Variants in CAMTA1 observed in about 807,000 individuals in gnomAD.
CAMTA1 encodes the protein calmodulin binding transcription activator 1, also known as calmodulin-binding transcription activator 1.
CAMTA1 carries 27 observed loss-of-function variants against 170.9 expected under a neutral mutation model. The observed-to-expected ratio is 0.16, with a 90% confidence interval of 0.12 to 0.22. The LOEUF is 0.22. Ranked by LOEUF, CAMTA1 falls within the 10% of genes least tolerant of loss-of-function variation. The pLI is 1.00. For missense variants in CAMTA1, 1,619 were observed against 2,217.2 expected (o/e 0.73, Z 5.42); for synonymous variants, 833 against 891.5 (o/e 0.93, Z 1.17).
At chr1:7,507,017 TCA>T (rs1283324249) in intron 6 of CAMTA1, among the ~76,000 whole-genome samples, 1 of 149,392 alleles carries the variant, frequency 6.7e-6, no homozygotes, top group Non-Finnish European at 1.5e-5. Context: ...CATCTCATGC[TCA>T]CACTCAAAAC....
chr1:7,514,332 A>G (rs1217061305), intron 6 of CAMTA1, among the ~76,000 whole-genome samples: 1 of 152,258 alleles, frequency 6.6e-6, no homozygotes, highest in Admixed American at 6.5e-5. Flanking sequence ...GCAGACAGGC[A>G]GTGCCTGGGC....
intron 6 of CAMTA1, among the ~76,000 whole-genome samples, chr1:7,622,178 G>C (rs184635388): frequency 1.4e-4 from 21 of 152,224 alleles, no homozygotes; most frequent in African/African-American, 4.8e-4. Flanking sequence ...CTGGGAACTT[G>C]TTGGGTGCCC....
In CAMTA1 at chr1:6,971,468, G is replaced by C. The variant is rs150213210; in HGVS notation, c.235-119836G>C. 6.6e-6 allele frequency among the ~76,000 whole-genome samples: 1 copy of C among 152,120 alleles called. No individual in the cohort carries two copies. Among genetic ancestry groups the C allele is most frequent in the Non-Finnish European group, 1.5e-5 (1 of 68,030 alleles). On this transcript the variant is annotated intron_variant, in intron 3 of 22. Coordinates refer to ENST00000303635, the MANE Select transcript of CAMTA1 (RefSeq NM_015215.4). This position sits in a 1 kb window ranked among gnomAD's most constrained non-coding sequence, Gnocchi z 4.6. ...TGCAAGCCCCTCAGTGGGGGAGTCC[G>C]GTTTGATTTGGTTTTGTTTTTACCA...
chr1:7,119,609 G>A (rs1644529147), intron 4 of CAMTA1, among the ~76,000 whole-genome samples: 1 of 152,186 alleles, frequency 6.6e-6, no homozygotes, highest in African/African-American at 2.4e-5. Flanking sequence ...TCTCTTCTGG[G>A]CTAATTGGTG....
chr1:7,045,863 T>A (rs1243400898), intron 3 of CAMTA1, among the ~76,000 whole-genome samples: 1 of 152,220 alleles, frequency 6.6e-6, no homozygotes, highest in Non-Finnish European at 1.5e-5. Flanking sequence ...TGCAGAGGCC[T>A]CGAATGTGCC....
intron 4 of CAMTA1, among the ~76,000 whole-genome samples, chr1:7,117,269 CCTAT>C (rs1644390259): frequency 6.6e-6 from 1 of 152,158 alleles, no homozygotes; most frequent in East Asian, 1.9e-4. Flanking sequence ...CCACACCTGG[CCTAT>C]CTTTCTTTTT....
At chr1:7,605,148 C>T (rs139905577) in intron 6 of CAMTA1, among the ~76,000 whole-genome samples, 2,040 of 152,322 alleles carry the variant, frequency 0.013, 45 homozygotes, top group African/African-American at 0.045. Flanking sequence ...CACTTGAGGA[C>T]GCAGTCTGTC....
In CAMTA1 at chr1:7,665,238, C is replaced by T. The variant is rs749829625; in HGVS notation, c.2652+39C>T. The T allele has an allele frequency of 3.0e-5, 43 of 1,420,550 alleles. No individual in the cohort carries two copies. The highest frequency in any genetic ancestry group is 3.8e-5 in the Non-Finnish European group (41 of 1,089,506). The allele number at this position is 1,420,550 out of a possible 1,614,324, so 88.0% of individuals were successfully genotyped here. ...GCTGCCACCACCTGTCACCTCCCCT[C>T]CCACCCACCTCGCCAGCCCCTGCGC... is the stretch of plus-strand genomic sequence containing the variant. On this transcript the variant is annotated intron_variant, in intron 9 of 22. Coordinates refer to ENST00000303635, the MANE Select transcript of CAMTA1 (RefSeq NM_015215.4). The surrounding 1 kb of genome is among the most constrained non-coding windows in gnomAD (Gnocchi z 4.3).
chr1:7,492,956 CTT>C (rs2093745392), intron 6 of CAMTA1, among the ~76,000 whole-genome samples: 2 of 144,722 alleles, frequency 1.4e-5, no homozygotes, highest in African/African-American at 5.2e-5. Context: ...TAAACACAGA[CTT>C]ACATACACAT....
chr1:7,304,095 A>C (rs1255755717), intron 5 of CAMTA1, among the ~76,000 whole-genome samples: 8 of 152,112 alleles, frequency 5.3e-5, no homozygotes, highest in African/African-American at 1.9e-4. Context: ...TGCTTAAAGG[A>C]GGCAGAGTTT....
At chr1:7,043,846 G>T (rs995775041) in intron 3 of CAMTA1, among the ~76,000 whole-genome samples, 22 of 152,182 alleles carry the variant, frequency 1.4e-4, no homozygotes, top group African/African-American at 5.1e-4. Context: ...CTCACGCACT[G>T]GTTTCTCTTC....
rs147774670 is a variant in CAMTA1 at position 7,225,380 on chromosome 1, G to A, written c.303-24111G>A. On this transcript the variant is annotated intron_variant, in intron 4 of 22. Transcript: ENST00000303635. ...ATTACAGGCGTGAGCCACCGTGCCC[G>A]GCCAGCAGATCTCTTTTATTACCCA... Among the ~76,000 whole-genome samples the A allele has an allele frequency of 2.4e-4, 37 of 152,222 alleles. No homozygotes were observed. In the East Asian group the frequency reaches 6.2e-3, roughly 25 times the overall value.
chr1:7,193,646 C>T (rs939217834), intron 4 of CAMTA1, among the ~76,000 whole-genome samples: 1 of 152,068 alleles, frequency 6.6e-6, no homozygotes, highest in African/African-American at 2.4e-5. Flanking sequence ...TGCCCACCTG[C>T]AGAAGGGGGT....
At chr1:7,613,070 C>T (rs907091191) in intron 6 of CAMTA1, among the ~76,000 whole-genome samples, 3 of 152,162 alleles carry the variant, frequency 2.0e-5, no homozygotes, top group Admixed American at 6.5e-5. Context: ...GTTTTATATC[C>T]GTACCCCAGG....
At chr1:7,012,614 C>T (rs1699962596) in intron 3 of CAMTA1, among the ~76,000 whole-genome samples, 1 of 152,198 alleles carries the variant, frequency 6.6e-6, no homozygotes, top group African/African-American at 2.4e-5. Context: ...CAGTCCTCGC[C>T]CTTGCCTGTC....
chr1:6,788,676 C>A (rs185847237), intron 1 of CAMTA1, among the ~76,000 whole-genome samples: 87 of 152,190 alleles, frequency 5.7e-4, no homozygotes, highest in Admixed American at 9.2e-4. Context: ...GGTGGTTCTT[C>A]CTACCGTTTC....
chr1:7,033,492 C>A (rs1203906267), intron 3 of CAMTA1, among the ~76,000 whole-genome samples: 3 of 151,560 alleles, frequency 2.0e-5, no homozygotes, highest in Non-Finnish European at 4.4e-5. Context: ...TCATATTTTC[C>A]TGCTTCTTTG....
At chr1:7,051,805 G>T (rs1484234961) in intron 3 of CAMTA1, among the ~76,000 whole-genome samples, 4 of 151,534 alleles carry the variant, frequency 2.6e-5, no homozygotes, top group African/African-American at 9.7e-5. Flanking sequence ...CCAAGATGGT[G>T]CTCTGTGGTG....
intron 6 of CAMTA1, among the ~76,000 whole-genome samples, chr1:7,556,894 G>A (rs2094885988): frequency 6.6e-6 from 1 of 152,164 alleles, no homozygotes; most frequent in Admixed American, 6.5e-5. Context: ...AGCTCATGGC[G>A]GGCACTCCAG....
Sources: gnomAD v4.1 joint callset for allele counts (sites outside exome capture counted in the v4.1 genomes callset) on GRCh38, gnomAD v4.1.1 for gene constraint, Gnocchi (gnomAD v3.1) non-coding constraint, MANE v1.5 for transcripts, NCBI Gene and HGNC (gene_info 2026-07-23, HGNC 2026-07-21) for gene names.